The following ZRANB2 variants were observed in gnomAD, a reference collection of about 807,000 sequenced individuals.
ZRANB2 encodes the protein zinc finger RANBP2-type containing 2.
A neutral mutation model predicts 53.4 loss-of-function variants in ZRANB2; 19 were observed. The observed-to-expected ratio is 0.36, with a 90% CI of 0.25 to 0.52. The LOEUF (loss-of-function observed/expected upper bound fraction) is 0.52. Among genes scored for constraint, ZRANB2 ranks in the 20% least tolerant of loss-of-function variants. The pLI, the probability that ZRANB2 is intolerant of heterozygous loss-of-function variation, is 0.93. For missense variants in ZRANB2, 309 were observed against 401.1 expected (o/e 0.77, Z 1.96); for synonymous variants, 145 against 134.8 (o/e 1.08, Z -0.52).
intron 4 of ZRANB2, 106 bp from the exon 5 acceptor site, chr1:71,072,654 T>A (rs1661619705): frequency 2.6e-6 from 2 of 761,392 alleles, no homozygotes; most frequent in Non-Finnish European, 4.3e-6. Flanking sequence ...CAACAATGGC[T>A]GCCTACCCAT....
At chr1:71,065,885 T>C in intron 9 of ZRANB2, 1 of 1,359,988 alleles carries the variant, frequency 7.4e-7, no homozygotes, top group Non-Finnish European at 1.0e-6. Flanking sequence ...CAGAGTAATT[T>C]TTTTTACAAA....
chr1:71,080,208 C>T (rs1162969494), intron 1 of ZRANB2, among the ~76,000 whole-genome samples: 1 of 150,994 alleles, frequency 6.6e-6, no homozygotes, highest in Non-Finnish European at 1.5e-5. Context: ...TTTGTGCACC[C>T]TTCAAAAAAA....
rs1661388302 is a variant in ZRANB2, at chr1:71,065,015, C to T, written c.*59G>A. 7.6e-7 allele frequency: 1 copy of T among 1,319,416 alleles called. No individual in the cohort carries two copies. The highest frequency in any genetic ancestry group is 1.1e-6 in the Non-Finnish European group (1 of 935,424). 81.7% of individuals were successfully genotyped at this position (1,319,416 alleles called of 1,614,324 possible). ...TTCTGACCAAGTAAGACACCAACTT[C>T]TTTAAAAATATGCTTCATGCACTGT... On this transcript the variant is annotated 3_prime_UTR_variant, in exon 10 of 10. Transcript: ENST00000370920.
At chr1:71,073,415 G>C (rs1268078729) in intron 4 of ZRANB2, among the ~76,000 whole-genome samples, 1 of 151,814 alleles carries the variant, frequency 6.6e-6, no homozygotes, top group Non-Finnish European at 1.5e-5. Flanking sequence ...GTGATTTCCA[G>C]ACTTAGGGAC....
Position 71,063,834 on chromosome 1 carries a change from T to C in ZRANB2, c.*1240A>G, listed in dbSNP as rs764057741. On this transcript the variant is annotated 3_prime_UTR_variant, in exon 10 of 10. Transcript: ENST00000370920. Reference sequence around the variant, plus strand: ...AAAATGTCGTAATTTTTATTTAAATTGCAGCAGACAATGTTACGGAAAAAA... The same window carrying C: ...AAAATGTCGTAATTTTTATTTAAATCGCAGCAGACAATGTTACGGAAAAAA... 2 of 152,364 alleles carry C rather than the reference T, an allele frequency of 1.3e-5. No individual in the cohort carries two copies. Among genetic ancestry groups the C allele is most frequent in the Non-Finnish European group, 2.9e-5 (2 of 67,860 alleles). 9.4% of individuals were successfully genotyped at this position (152,364 alleles called of 1,614,324 possible).
chr1:71,075,627 A>G (rs1031724143), intron 4 of ZRANB2, among the ~76,000 whole-genome samples: 1 of 152,132 alleles, frequency 6.6e-6, no homozygotes, highest in Non-Finnish European at 1.5e-5. Flanking sequence ...TCAGTGGCCA[A>G]AAGAAGAGAA....
chr1:71,069,112 C>A (rs1661537328), intron 8 of ZRANB2, among the ~76,000 whole-genome samples, 164 bp downstream of exon 8: 1 of 152,054 alleles, frequency 6.6e-6, no homozygotes, highest in Admixed American at 6.6e-5. Flanking sequence ...GCAATGGAAA[C>A]ATTTCATGGT....
At chr1:71,073,134 T>C (rs1443498736) in intron 4 of ZRANB2, among the ~76,000 whole-genome samples, 1 of 152,104 alleles carries the variant, frequency 6.6e-6, no homozygotes, top group African/African-American at 2.4e-5. Context: ...CCAGTAAATT[T>C]TGAAATTAAA....
intron 3 of ZRANB2, among the ~76,000 whole-genome samples, chr1:71,077,135 G>C (rs1661727417): frequency 6.6e-6 from 1 of 152,080 alleles, no homozygotes; most frequent in Non-Finnish European, 1.5e-5. Context: ...AGAAGTAAAT[G>C]ACAAATTATA....
In ZRANB2 at chr1:71,069,299, C is replaced by T. The variant is rs375882637; in HGVS notation, c.747G>A (p.Ser249=). ...SRSRSSSRER[S]RSRGSKSRSS... ...ACCTTGATTTCGACCCACGAGATCT[C>T]GAACGTTCTCTGGAACTGGAACGAG... The change falls in exon 8 of 10, where the codon TCG becomes TCA. Residue 249 remains serine (S), a synonymous_variant. Coordinates refer to ENST00000370920, the MANE Select transcript of ZRANB2 (RefSeq NM_203350.3). 195 of 1,611,804 alleles carry T rather than the reference C, an allele frequency of 1.2e-4. No individual in the cohort carries two copies. Among genetic ancestry groups the T allele is most frequent in the Non-Finnish European group, 1.6e-4 (183 of 1,178,846 alleles).
intron 1 of ZRANB2, among the ~76,000 whole-genome samples, chr1:71,079,352 A>C (rs1268907927): frequency 6.6e-6 from 1 of 152,196 alleles, no homozygotes; most frequent in Non-Finnish European, 1.5e-5. Context: ...GCTTATACTC[A>C]ACAAACTCAA....
At chr1:71,065,233 C>T in intron 9 of ZRANB2, 96 bp from the exon 10 acceptor site, 1 of 930,006 alleles carries the variant, frequency 1.1e-6, no homozygotes, top group Non-Finnish European at 1.6e-6. Flanking sequence ...AAATTCAGTA[C>T]CATGATGCTA....
In ZRANB2 at chr1:71,064,714, C is replaced by A. The variant is rs1032531160; in HGVS notation, c.*360G>T. On this transcript the variant is annotated 3_prime_UTR_variant, in exon 10 of 10. Transcript: ENST00000370920. ...ACTAGTTTCCAGTCTTTCTTCCATG[C>A]CCAAAGTTCAGGCAAGCCTAGGTAA... is the stretch of plus-strand genomic sequence containing the variant. The A allele has an allele frequency of 2.5e-5, 4 of 160,296 alleles. No individual in the cohort carries two copies. The highest frequency in any genetic ancestry group is 9.6e-5 in the African/African-American group (4 of 41,762). The allele number at this position is 160,296 out of a possible 1,614,324, so 9.9% of individuals were successfully genotyped here. A position where few individuals can be genotyped will look rare whatever the true frequency, so the allele number is the denominator to read the frequency against.
In ZRANB2 at chr1:71,065,135, C is replaced by T. The variant is rs977813121; in HGVS notation, c.932G>A (p.Arg311His). The T allele has an allele frequency of 1.3e-5, 21 of 1,610,454 alleles. No homozygotes were observed. The Middle Eastern group carries it at 4.9e-4, about 38-fold the overall frequency. ...GGATGATCCAGATGATGACCTGTGG[C>T]GTCTGTAAGACATAATGGAGAGAGT... ...RRTRSRSPER[R>H]HRSSSGSSHS... is the part of the protein sequence containing the mutation. Residue 311 changes from arginine (R) to histidine (H), a missense_variant and splice_region_variant, in exon 10 of 10, where the codon CGC (arginine) becomes CAC (histidine). Arg to His is a conservative substitution (Grantham distance 29). Transcript: ENST00000370920.
Position 71,067,110 on chromosome 1 carries a change from T to C in ZRANB2, c.771-176A>G, listed in dbSNP as rs533826033. The C allele has an allele frequency of 2.2e-5, 11 of 510,404 alleles. No individual in the cohort carries two copies. The South Asian group carries it at 3.8e-4, about 18-fold the overall frequency. 31.6% of individuals were successfully genotyped at this position (510,404 alleles called of 1,614,324 possible). A position where few individuals can be genotyped will look rare whatever the true frequency, so the allele number is the denominator to read the frequency against. On this transcript the variant is annotated intron_variant, in intron 8 of 9. Coordinates refer to ENST00000370920, the MANE Select transcript of ZRANB2 (RefSeq NM_203350.3). ...ACTTCTGGATCAACCATGAAAACAT[T>C]CTACTTAAACATTTTAATTTTGTCT...
In ZRANB2 at chr1:71,076,789, T is replaced by A. The variant is rs769250813; in HGVS notation, c.301+6A>T. 2 of 1,597,632 alleles carry A rather than the reference T, an allele frequency of 1.3e-6. No homozygotes were observed. The highest frequency in any genetic ancestry group is 1.7e-6 in the Non-Finnish European group (2 of 1,168,794). ...ATCATTTAGTTACAATGTGGTTTTATCATACCTGTTCTTTCTTCTAATTTA... is the reference window on the plus strand; with the variant it reads ...ATCATTTAGTTACAATGTGGTTTTAACATACCTGTTCTTTCTTCTAATTTA... On this transcript the variant is annotated splice_donor_region_variant and intron_variant, in intron 4 of 9. Transcript: ENST00000370920.
At position 71,072,248 on chromosome 1, in the gene ZRANB2, C is replaced by A; in HGVS notation, c.386G>T (p.Arg129Leu). ...ESDGEYDEFGRKKKKYRGKAV... is the reference protein window; with the variant it reads ...ESDGEYDEFGLKKKKYRGKAV... ...TTTCCCTCTGTATTTTTTCTTTTTACGTCCAAACTAGAGAAAAACAATTTC... is the reference window on the plus strand; with the variant it reads ...TTTCCCTCTGTATTTTTTCTTTTTAAGTCCAAACTAGAGAAAAACAATTTC... The change falls in exon 6 of 10, where the codon CGT becomes CTT. Residue 129 changes from arginine to leucine, a missense_variant. By Grantham distance (102) the Arg-to-Leu change is moderately radical (BLOSUM62 -2). Coordinates refer to ENST00000370920, the MANE Select transcript of ZRANB2 (RefSeq NM_203350.3). 2 of 1,607,606 alleles carry A rather than the reference C, an allele frequency of 1.2e-6. No individual in the cohort carries two copies. The highest frequency in any genetic ancestry group is 1.7e-6 in the Non-Finnish European group (2 of 1,178,170).
intron 1 of ZRANB2, among the ~76,000 whole-genome samples, chr1:71,079,208 T>A (rs190458989): frequency 7.9e-5 from 12 of 152,036 alleles, no homozygotes; most frequent in Admixed American, 7.9e-4. Context: ...TGACTAAAAA[T>A]ACAAAAAGAT....
intron 7 of ZRANB2, 28 bp downstream of exon 7, chr1:71,070,799 G>T: frequency 7.3e-7 from 1 of 1,366,058 alleles, no homozygotes; most frequent in Non-Finnish European, 9.8e-7. Flanking sequence ...ATTTTGACTG[G>T]TGTTACCCTT....
Sources: allele counts gnomAD v4.1 joint callset (sites outside exome capture counted in the v4.1 genomes callset), GRCh38; gene constraint gnomAD v4.1.1; transcripts MANE v1.5; gene names NCBI Gene and HGNC (gene_info 2026-07-23, HGNC 2026-07-21).